The following MMRN2 variants were observed in gnomAD, a reference collection of about 807,000 sequenced individuals.
MMRN2 encodes multimerin-2.
A neutral mutation model predicts 68.8 loss-of-function variants in MMRN2; 53 were observed. The ratio of observed to expected loss-of-function variants is 0.77; its 90% confidence interval spans 0.62 to 0.97. MMRN2 has a LOEUF of 0.97. MMRN2 is among the 50% of genes least tolerant of loss of function. The probability of loss-of-function intolerance (pLI) is 0.00; values close to 1 mark genes in which losing one functional copy is unlikely to be tolerated. For missense variants in MMRN2, 1,266 were observed against 1,259.5 expected, an observed-to-expected ratio of 1.01 and a Z score of -0.08; for synonymous variants, 564 against 551.6, an observed-to-expected ratio of 1.02 and a Z score of -0.32.
In MMRN2 at chr10:86,943,106, C is replaced by G. The variant is rs1453809344; in HGVS notation, c.1678G>C (p.Ala560Pro). Residue 560 changes from alanine to proline, a missense_variant, in exon 6 of 7, where the codon GCC (alanine) becomes CCC (proline). Physicochemically the swap from Ala to Pro is conservative, Grantham distance 27. Coordinates refer to ENST00000372027, the MANE Select transcript of MMRN2 (RefSeq NM_024756.3). The surrounding 1 kb of genome is among the most constrained non-coding windows in gnomAD (Gnocchi z 4.2). ...ACTTGGCTCCGGAGCCGCGACGTGG[C>G]CGCCCGCGCCCGCTCGCCCTCCGCT... is the stretch of plus-strand genomic sequence containing the variant. The part of the protein sequence containing the change: ...HKAEGERARA[A>P]TSRLRSQVQA... 1 of 1,469,250 alleles carries G rather than the reference C, an allele frequency of 6.8e-7. No homozygotes were observed. Among genetic ancestry groups the G allele is most frequent in the African/African-American group, 1.5e-5 (1 of 68,548 alleles). The allele number at this position is 1,469,250 out of a possible 1,614,324, so 91.0% of individuals were successfully genotyped here.
chr10:86,939,804 GGGGTGT>G (rs1253219692), intron 6 of MMRN2, among the ~76,000 whole-genome samples: 8 of 125,414 alleles, frequency 6.4e-5, no homozygotes, highest in Non-Finnish European at 1.1e-4. Flanking sequence ...AGGGAAATTT[GGGGTGT>G]GTGTGTGTGT....
At chr10:86,938,096 G>GGT (rs1843906464) in intron 6 of MMRN2, among the ~76,000 whole-genome samples, 1 of 152,114 alleles carries the variant, frequency 6.6e-6, no homozygotes, top group African/African-American at 2.4e-5. Context: ...CATCATGCCT[G>GGT]GCTAATTTTT....
intron 1 of MMRN2, among the ~76,000 whole-genome samples, chr10:86,951,184 G>C (rs1589306269): frequency 6.6e-6 from 1 of 152,216 alleles, no homozygotes; most frequent in East Asian, 1.9e-4. Context: ...CACCTGCAAA[G>C]TTGAAAGTCA....
chr10:86,942,917 A>T lies in MMRN2; in HGVS notation c.1867T>A (p.Ser623Thr), dbSNP rs149985544. Residue 623 changes from serine (S) to threonine (T), a missense_variant, in exon 6 of 7, where the codon TCT becomes ACT. Physicochemically the swap from Ser to Thr is moderately conservative, Grantham distance 58 (BLOSUM62 1). Coordinates refer to ENST00000372027, the MANE Select transcript of MMRN2 (RefSeq NM_024756.3). ...LFGEEVLEEM[S>T]EQTPGPLPLS... ...GGCAGCGGTCCCGGCGTCTGCTCAG[A>T]CATCTCCTCCAGCACCTCCTCCCCG... 4.6e-5 allele frequency: 69 copies of T among 1,492,730 alleles called. No individual in the cohort carries two copies. The highest frequency in any genetic ancestry group is 6.1e-5 in the Non-Finnish European group (68 of 1,121,434). The allele number at this position is 1,492,730 out of a possible 1,614,324, so 92.5% of individuals were successfully genotyped here.
rs760345586 is a variant in MMRN2, at chr10:86,942,993, G to T, written c.1791C>A (p.Ala597=). The change falls in exon 6 of 7, where the codon GCC becomes GCA. Residue 597 remains alanine, a synonymous_variant. Transcript: ENST00000372027. ...HEVRQLHSAF[A]ALLEDALRHE... The stretch of plus-strand genomic sequence containing the variant: ...GCCGCAGCGCGTCCTCCAGCAGGGC[G>T]GCGAAGGCGCTGTGCAGCTGGCGCA... 7 of 1,457,288 alleles carry T rather than the reference G, an allele frequency of 4.8e-6. No homozygotes were observed. The highest frequency in any genetic ancestry group is 2.6e-5 in the South Asian group (2 of 76,538). The allele number at this position is 1,457,288 out of a possible 1,614,324, so 90.3% of individuals were successfully genotyped here.
intron 1 of MMRN2, chr10:86,949,880 A>T (rs1844123215): frequency 1.0e-5 from 1 of 99,106 alleles, no homozygotes; most frequent in African/African-American, 4.5e-5. Context: ...CGTCTCAATA[A>T]TAATAATAAT....
chr10:86,940,306 G>A lies in MMRN2; in HGVS notation c.2467+2011C>T, dbSNP rs749954163. Reference sequence around the variant, plus strand: ...ATTATAGGCATGAGCCACTGCGCCCGGCCTGGAAATTTGTTTTTAAGAACA... The same window carrying A: ...ATTATAGGCATGAGCCACTGCGCCCAGCCTGGAAATTTGTTTTTAAGAACA... On this transcript the variant is annotated intron_variant, in intron 6 of 6. Transcript: ENST00000372027. Among the ~76,000 whole-genome samples, 4 of 152,144 alleles carry A rather than the reference G, an allele frequency of 2.6e-5. No homozygotes were observed. The South Asian group carries it at 6.2e-4, about 24-fold the overall frequency.
rs1324151686 is a variant in MMRN2 at position 86,944,103 on chromosome 10, C to G, written c.681G>C (p.Gln227His). ...GHEFPDRSLE[Q>H]VLLPHVDTFL... ...AGGTGTCCACGTGGGGTAGCAGCACCTGCTCCAAGGATCTATCAGGGAACT... is the reference window on the plus strand; with the variant it reads ...AGGTGTCCACGTGGGGTAGCAGCACGTGCTCCAAGGATCTATCAGGGAACT... Residue 227 changes from glutamine (Q) to histidine (H), a missense_variant, in exon 6 of 7, where the codon CAG becomes CAC. Physicochemically the swap from Gln to His is conservative, Grantham distance 24 (BLOSUM62 0). Coordinates refer to ENST00000372027, the MANE Select transcript of MMRN2 (RefSeq NM_024756.3). 25 of 1,614,000 alleles carry G rather than the reference C, an allele frequency of 1.5e-5. No homozygotes were observed. The highest frequency in any genetic ancestry group is 2.1e-5 in the Non-Finnish European group (25 of 1,179,954).
rs1405809996 is a variant in MMRN2 at position 86,957,565 on chromosome 10, TCACACTCAGCCTTGGC to T, written c.-40_-25del. On this transcript the variant is annotated 5_prime_UTR_variant, in exon 1 of 7. Transcript: ENST00000372027. ...ATCTTGGTGGTGGGGCAGGCTCAGC[TCACACTCAGCCTTGGC>T]AAGTAGCTCCAGAAACTGCTAGTGA... 6.3e-7 allele frequency: 1 copy of T among 1,591,708 alleles called. No homozygotes were observed. The highest frequency in any genetic ancestry group is 8.5e-7 in the Non-Finnish European group (1 of 1,170,060).
chr10:86,942,403 CT>C lies in MMRN2; in HGVS notation c.2380del (p.Arg794GlyfsTer49). ...CAAAGGCTCCGCTTCCTTCTTGTCC[CT>C]CTTCCGGGGAGCTTCCAGGTCTTTC... Reference protein sequence around the residue: ...QQKDLEAPRKRDKKEAEPLVD... With the variant: ...QQKDLEAPRKXDKKEAEPLVD... On this transcript the variant is annotated frameshift_variant, in exon 6 of 7. Transcript: ENST00000372027. LOFTEE classifies it high-confidence loss of function. The C allele has an allele frequency of 1.2e-6, 2 of 1,614,216 alleles. No homozygotes were observed. The highest frequency in any genetic ancestry group is 1.3e-5 in the African/African-American group (1 of 75,072).
chr10:86,953,000 C>T (rs1031040914), intron 1 of MMRN2, among the ~76,000 whole-genome samples: 1 of 152,158 alleles, frequency 6.6e-6, no homozygotes, highest in Non-Finnish European at 1.5e-5. Context: ...TTAGCGATAT[C>T]TCTCCTACTT....
chr10:86,952,087 T>G (rs1245928953), intron 1 of MMRN2, among the ~76,000 whole-genome samples: 1 of 151,392 alleles, frequency 6.6e-6, no homozygotes, highest in Non-Finnish European at 1.5e-5. Context: ...GAGTAGGGAG[T>G]TTCTCTCACA....
At chr10:86,948,581 T>C (rs1366022372) in intron 1 of MMRN2, 4 of 151,892 alleles carry the variant, frequency 2.6e-5, no homozygotes, top group Non-Finnish European at 4.4e-5. Context: ...AAAAGAAAAA[T>C]AGACGACCAG....
chr10:86,946,211 C>G (rs544501676), intron 1 of MMRN2, among the ~76,000 whole-genome samples: 2 of 152,328 alleles, frequency 1.3e-5, no homozygotes, highest in South Asian at 4.1e-4. Flanking sequence ...GCTTCTCTTT[C>G]CCCATCTATA....
chr10:86,943,733 C>G lies in MMRN2; in HGVS notation c.1051G>C (p.Gly351Arg). The change falls in exon 6 of 7, where the codon GGC becomes CGC. Residue 351 changes from glycine to arginine, a missense_variant. Physicochemically the swap from Gly to Arg is moderately radical, Grantham distance 125. Transcript: ENST00000372027. The surrounding 1 kb of genome is among the most constrained non-coding windows in gnomAD (Gnocchi z 4.2). ...HKAQEAPGTNGSLVLATPGAG... is the reference protein window; with the variant it reads ...HKAQEAPGTNRSLVLATPGAG... Reference sequence around the variant, plus strand: ...CCAGGCGTTGCCAACACCAGACTGCCATTGGTCCCTGGGGCCTCCTGAGCC... The same window carrying G: ...CCAGGCGTTGCCAACACCAGACTGCGATTGGTCCCTGGGGCCTCCTGAGCC... 1 of 1,608,724 alleles carries G rather than the reference C, an allele frequency of 6.2e-7. No homozygotes were observed. Among genetic ancestry groups the G allele is most frequent in the East Asian group, 2.2e-5 (1 of 44,872 alleles).
Position 86,943,486 on chromosome 10 carries a change from A to G in MMRN2, c.1298T>C (p.Val433Ala). 6.2e-7 allele frequency: 1 copy of G among 1,612,140 alleles called. No individual in the cohort carries two copies. The highest frequency in any genetic ancestry group is 8.5e-7 in the Non-Finnish European group (1 of 1,179,650). Residue 433 changes from valine to alanine, a missense_variant, in exon 6 of 7, where the codon GTG (valine) becomes GCG (alanine). Physicochemically the swap from Val to Ala is moderately conservative, Grantham distance 64 (BLOSUM62 0). Transcript: ENST00000372027. This position sits in a 1 kb window ranked among gnomAD's most constrained non-coding sequence, Gnocchi z 4.2. ...CGTGTGGTTCACCTGCAGCTCCTCC[A>G]CCTGCCGCTCCACCTTGCTAATCTG... is the stretch of plus-strand genomic sequence containing the variant. ...FDQISKVERQ[V>A]EELQVNHTAL...
At chr10:86,944,156 G>A in intron 5 of MMRN2, 28 bp from the exon 6 acceptor site, 1 of 1,605,220 alleles carries the variant, frequency 6.2e-7, no homozygotes, top group Non-Finnish European at 8.5e-7. Flanking sequence ...TGTGACACAA[G>A]CCCTGCAGGA....
chr10:86,942,934 T>TCCTCC lies in MMRN2; in HGVS notation c.1845_1849dup (p.Glu617GlyfsTer18). On this transcript the variant is annotated frameshift_variant, in exon 6 of 7. Coordinates refer to ENST00000372027, the MANE Select transcript of MMRN2 (RefSeq NM_024756.3). LOFTEE classifies it high-confidence loss of function. ...CTGCTCAGACATCTCCTCCAGCACC[T>TCCTCC]CCTCCCCGAAGAGCGCGGCCAGCAC... is the stretch of plus-strand genomic sequence containing the variant. 8 of 1,499,156 alleles carry TCCTCC rather than the reference T, an allele frequency of 5.3e-6. No homozygotes were observed. The highest frequency in any genetic ancestry group is 7.1e-6 in the Non-Finnish European group (8 of 1,125,136). The allele number at this position is 1,499,156 out of a possible 1,614,324, so 92.9% of individuals were successfully genotyped here.
At chr10:86,944,661 A>C in intron 4 of MMRN2, 1 of 541,938 alleles carries the variant, frequency 1.8e-6, no homozygotes, top group African/African-American at 1.9e-5. Context: ...ATCATGGTAC[A>C]CTCCCCTCCT....
Sources: allele counts gnomAD v4.1 joint callset (sites outside exome capture counted in the v4.1 genomes callset), GRCh38; gene constraint gnomAD v4.1.1; non-coding constraint Gnocchi (gnomAD v3.1); transcripts MANE v1.5; gene names NCBI Gene and HGNC (gene_info 2026-07-23, HGNC 2026-07-21).